Variants in RPS6KC1 observed in about 807,000 individuals in gnomAD.
The protein encoded by RPS6KC1 is ribosomal protein S6 kinase C1.
A neutral mutation model predicts 103.8 loss-of-function variants in RPS6KC1; 54 were observed. The observed-to-expected ratio is 0.52, with a 90% CI of 0.42 to 0.65. The LOEUF (loss-of-function observed/expected upper bound fraction) is 0.65, where lower values mean the gene tolerates loss of function less well. RPS6KC1 is among the 30% of genes least tolerant of loss of function. The pLI is 0.00. For synonymous variants in RPS6KC1, 439 were observed against 438.7 expected (o/e 1.00, Z -0.01); for missense variants, 1,151 against 1,253.8 (o/e 0.92, Z 1.24).
chr1:213,439,389 G>T, the RPS6KC1 span, among the ~76,000 whole-genome samples: 1 of 149,622 alleles, frequency 6.7e-6, no homozygotes, highest in Admixed American at 6.7e-5. Context: ...TTAAATTGAC[G>T]ATTAATTTTC....
At chr1:213,415,209 A>C in the RPS6KC1 span, among the ~76,000 whole-genome samples, 1 of 152,232 alleles carries the variant, frequency 6.6e-6, no homozygotes, top group Non-Finnish European at 1.5e-5. Context: ...TAAGGCTGAT[A>C]CTGTTCCAGT....
intron 5 of RPS6KC1, among the ~76,000 whole-genome samples, chr1:213,118,364 G>A (rs1202817618): frequency 1.3e-5 from 2 of 151,954 alleles, no homozygotes; most frequent in Non-Finnish European, 2.9e-5. Context: ...AATCAAAATA[G>A]ATAATTAGAT....
the RPS6KC1 span, among the ~76,000 whole-genome samples, chr1:213,609,141 G>A: frequency 6.6e-6 from 1 of 152,214 alleles, no homozygotes; most frequent in Admixed American, 6.5e-5. Context: ...ACATTGTCAT[G>A]ATCTGAGGCG....
chr1:213,664,348 G>A, the RPS6KC1 span, among the ~76,000 whole-genome samples: 2 of 152,010 alleles, frequency 1.3e-5, no homozygotes, highest in Non-Finnish European at 2.9e-5. Context: ...ATAAAAGAAA[G>A]CATTAAATCC....
At chr1:213,411,610 T>C in the RPS6KC1 span, among the ~76,000 whole-genome samples, 4 of 152,194 alleles carry the variant, frequency 2.6e-5, no homozygotes, top group South Asian at 4.1e-4. Context: ...TGGTCTTTTT[T>C]GGCTGGGTGG....
chr1:213,851,896 C>T, the RPS6KC1 span, among the ~76,000 whole-genome samples: 1 of 152,170 alleles, frequency 6.6e-6, no homozygotes, highest in Non-Finnish European at 1.5e-5. Context: ...TTGAGTTCTC[C>T]TGTGCTATTC....
At chr1:213,477,754 C>T in the RPS6KC1 span, among the ~76,000 whole-genome samples, 2 of 152,178 alleles carry the variant, frequency 1.3e-5, 1 homozygote, top group South Asian at 4.1e-4. Flanking sequence ...TTTAGGTTCA[C>T]AGCAAAATTG....
chr1:213,805,679 T>G, the RPS6KC1 span, among the ~76,000 whole-genome samples: 7 of 152,200 alleles, frequency 4.6e-5, no homozygotes, highest in Non-Finnish European at 1.0e-4. Flanking sequence ...TCTTCCAAAC[T>G]CCTGTTAAGG....
the RPS6KC1 span, among the ~76,000 whole-genome samples, chr1:213,706,747 G>T: frequency 5.3e-5 from 8 of 151,830 alleles, no homozygotes; most frequent in Non-Finnish European, 1.0e-4. Context: ...CCTTCCCTGT[G>T]CCCATATGTT....
the RPS6KC1 span, among the ~76,000 whole-genome samples, chr1:213,564,678 TTGCAGGATCCCCTCCTC>T: frequency 6.6e-6 from 1 of 152,210 alleles, no homozygotes; most frequent in Non-Finnish European, 1.5e-5. Context: ...AATTTCAACT[TTGCAGGATCCCCTCCTC>T]TGAGATTTTT....
the RPS6KC1 span, among the ~76,000 whole-genome samples, chr1:213,571,013 T>A: frequency 1.3e-5 from 2 of 152,238 alleles, no homozygotes; most frequent in African/African-American, 4.8e-5. Flanking sequence ...AATAAATTAG[T>A]CTTTAAATGC....
chr1:213,228,941 A>G (rs1573456787), intron 8 of RPS6KC1, among the ~76,000 whole-genome samples: 1 of 152,128 alleles, frequency 6.6e-6, no homozygotes, highest in African/African-American at 2.4e-5. Flanking sequence ...GAAGGTGCTC[A>G]GTGTATAATT....
the RPS6KC1 span, among the ~76,000 whole-genome samples, chr1:213,628,704 T>A: frequency 8.9e-4 from 135 of 152,310 alleles, no homozygotes; most frequent in Non-Finnish European, 1.3e-3. Flanking sequence ...TTTCCTGCTT[T>A]CTCTTGTGGG....
chr1:213,227,690 G>A (rs192802504), intron 8 of RPS6KC1, among the ~76,000 whole-genome samples: 3 of 152,218 alleles, frequency 2.0e-5, no homozygotes, highest in Non-Finnish European at 1.5e-5. Flanking sequence ...TCTTAGGCTT[G>A]CTATGAGATC....
At chr1:213,154,810 C>G (rs1255905400) in intron 6 of RPS6KC1, among the ~76,000 whole-genome samples, 1 of 152,144 alleles carries the variant, frequency 6.6e-6, no homozygotes, top group Non-Finnish European at 1.5e-5. Context: ...CTCTGCTTTT[C>G]TCAAGCAGAA....
the RPS6KC1 span, among the ~76,000 whole-genome samples, chr1:213,298,072 G>A: frequency 6.6e-6 from 1 of 152,230 alleles, no homozygotes; most frequent in South Asian, 2.1e-4. Flanking sequence ...TACAGGGTGA[G>A]GTTCAACTTG....
chr1:213,454,151 G>T, the RPS6KC1 span, among the ~76,000 whole-genome samples: 1 of 138,646 alleles, frequency 7.2e-6, no homozygotes, highest in African/African-American at 2.7e-5. Flanking sequence ...ACCACATGGG[G>T]GGGGTCAGCA....
At chr1:213,828,830 G>C in the RPS6KC1 span, among the ~76,000 whole-genome samples, 55 of 152,128 alleles carry the variant, frequency 3.6e-4, 1 homozygote, top group Admixed American at 3.6e-3. Context: ...TTGGTACTTG[G>C]CAAAGAAAAC....
chr1:213,107,657 T>A (rs1222929198), intron 4 of RPS6KC1, among the ~76,000 whole-genome samples: 1 of 152,264 alleles, frequency 6.6e-6, no homozygotes, highest in Non-Finnish European at 1.5e-5. Context: ...TTCATTTTTC[T>A]TGGGTGATTC....
Sources: gnomAD v4.1 joint callset for allele counts (sites outside exome capture counted in the v4.1 genomes callset) on GRCh38, gnomAD v4.1.1 for gene constraint, MANE v1.5 for transcripts, NCBI Gene and HGNC (gene_info 2026-07-23, HGNC 2026-07-21) for gene names.